The following CSMD1 variants were observed in gnomAD, a reference collection of about 807,000 sequenced individuals.
The protein encoded by CSMD1 is CUB and Sushi multiple domains 1.
Under a neutral mutation model 417.5 loss-of-function variants are expected in CSMD1, and 213 were observed. The ratio of observed to expected loss-of-function variants is 0.51; its 90% CI spans 0.46 to 0.57. The LOEUF (loss-of-function observed/expected upper bound fraction) is 0.57. Among genes scored for constraint, CSMD1 ranks in the 20% least tolerant of loss-of-function variants. CSMD1 has a pLI of 0.00. For missense variants in CSMD1, 6,923 were observed against 4,529.7 expected (o/e 1.53, Z -15.17); for synonymous variants, 2,862 against 1,736.8 (o/e 1.65, Z -16.11).
At chr8:3,377,539 GC>G (rs1165002097) in intron 18 of CSMD1, among the ~76,000 whole-genome samples, 3 of 152,132 alleles carry the variant, frequency 2.0e-5, no homozygotes, top group African/African-American at 7.2e-5. Context: ...TTCCTGTACT[GC>G]AAAACCTATT....
chr8:4,927,087 C>CATTA (rs1554522044), intron 1 of CSMD1, among the ~76,000 whole-genome samples: 9 of 143,458 alleles, frequency 6.3e-5, no homozygotes, highest in African/African-American at 2.0e-4. Context: ...GCTTTCAATG[C>CATTA]ATTATTATTA....
At chr8:4,830,628 T>C (rs1360753732) in intron 1 of CSMD1, among the ~76,000 whole-genome samples, 1 of 152,218 alleles carries the variant, frequency 6.6e-6, no homozygotes, top group Non-Finnish European at 1.5e-5. Flanking sequence ...GACTTGATCG[T>C]GGTAGTTTTT....
chr8:3,485,618 G>C (rs1045072450), intron 11 of CSMD1, among the ~76,000 whole-genome samples: 13 of 151,442 alleles, frequency 8.6e-5, no homozygotes, highest in Non-Finnish European at 1.6e-4. Context: ...AAATGAGCTG[G>C]GTGTGGTGGC....
At chr8:3,193,838 A>G (rs1796558352) in intron 33 of CSMD1, among the ~76,000 whole-genome samples, 1 of 152,182 alleles carries the variant, frequency 6.6e-6, no homozygotes, top group South Asian at 2.1e-4. Context: ...GCATGTTGTG[A>G]CAGGTTCGAT....
At chr8:3,819,096 G>C (rs1431865641) in intron 5 of CSMD1, among the ~76,000 whole-genome samples, 1 of 152,198 alleles carries the variant, frequency 6.6e-6, no homozygotes, top group African/African-American at 2.4e-5. Flanking sequence ...AGAGTAGAGA[G>C]AAAAGTGTAG....
At chr8:4,124,751 G>T (rs1034743651) in intron 3 of CSMD1, among the ~76,000 whole-genome samples, 1 of 152,154 alleles carries the variant, frequency 6.6e-6, no homozygotes, top group African/African-American at 2.4e-5. Flanking sequence ...TGCAAACTAA[G>T]GGACTGAAAC....
chr8:3,758,926 G>A (rs886260682), intron 5 of CSMD1, among the ~76,000 whole-genome samples: 2 of 152,178 alleles, frequency 1.3e-5, no homozygotes, highest in Admixed American at 1.3e-4. Flanking sequence ...CCAGGTAGAA[G>A]AGCCTGTGGA....
intron 5 of CSMD1, among the ~76,000 whole-genome samples, chr8:3,781,106 G>A (rs933160911): frequency 2.0e-5 from 3 of 152,124 alleles, no homozygotes; most frequent in African/African-American, 4.8e-5. Context: ...ACTGTTTCAA[G>A]AAGCCAAAAA....
intron 3 of CSMD1, among the ~76,000 whole-genome samples, chr8:4,051,465 C>T (rs895196671): frequency 2.6e-5 from 4 of 152,168 alleles, no homozygotes; most frequent in South Asian, 2.1e-4. Flanking sequence ...GCGCCCTACA[C>T]GTATAAATTG....
intron 5 of CSMD1, among the ~76,000 whole-genome samples, chr8:3,951,716 G>A (rs1352505686): frequency 6.6e-6 from 1 of 151,992 alleles, no homozygotes; most frequent in Non-Finnish European, 1.5e-5. Context: ...AGACTTCATG[G>A]GTATTAACAA....
rs1049529338 is a variant in CSMD1 at position 3,186,142 on chromosome 8, G to A, written c.5620+1727C>T. Among the ~76,000 whole-genome samples, 3 of 151,958 alleles carry A rather than the reference G, an allele frequency of 2.0e-5. 1 individual carries two copies. The South Asian group carries it at 6.2e-4, about 32-fold the overall frequency. Reference sequence around the variant, plus strand: ...ATTTATATAATTACATTAAGTGTTGGCATCTGTGTAGATTTTAACTTGTGT... The same window carrying A: ...ATTTATATAATTACATTAAGTGTTGACATCTGTGTAGATTTTAACTTGTGT... On this transcript the variant is annotated intron_variant, in intron 36 of 69. Transcript: ENST00000635120.
rs576909990 is a variant in CSMD1, at chr8:3,488,571, T to G, written c.1448+5052A>C. On this transcript the variant is annotated intron_variant, in intron 11 of 69. Transcript: ENST00000635120. ...GATTCATACTGCTAATTATATGAAA[T>G]GTATATCAGTAGGCTAATTCCTCCT... Among the ~76,000 whole-genome samples, 19 of 152,336 alleles carry G rather than the reference T, an allele frequency of 1.2e-4. 1 individual carries two copies. Among genetic ancestry groups the G allele is most frequent in the South Asian group, 8.3e-4 (4 of 4,826 alleles).
Position 3,317,434 on chromosome 8 carries a change from C to A in CSMD1, c.3632-8931G>T, listed in dbSNP as rs555832336. Among the ~76,000 whole-genome samples the A allele has an allele frequency of 2.6e-5, 4 of 152,312 alleles. No homozygotes were observed. In the South Asian group the frequency reaches 6.2e-4, roughly 24 times the overall value. On this transcript the variant is annotated intron_variant, in intron 23 of 69. Coordinates refer to ENST00000635120, the MANE Select transcript of CSMD1 (RefSeq NM_033225.6). Reference sequence around the variant, plus strand: ...GAGTCAACATTGACACTCAATCACACAAGTGTGGACTTGTATTCTCTGTTG... The same window carrying A: ...GAGTCAACATTGACACTCAATCACAAAAGTGTGGACTTGTATTCTCTGTTG...
chr8:4,911,536 C>G (rs1017550518), intron 1 of CSMD1, among the ~76,000 whole-genome samples: 2 of 152,168 alleles, frequency 1.3e-5, no homozygotes, highest in Non-Finnish European at 2.9e-5. Flanking sequence ...AATCCCAAGT[C>G]AGGGCCAAAC....
At chr8:3,750,074 T>G (rs958135700) in intron 6 of CSMD1, among the ~76,000 whole-genome samples, 1 of 152,184 alleles carries the variant, frequency 6.6e-6, no homozygotes, top group Non-Finnish European at 1.5e-5. Context: ...AATTTCAAGC[T>G]GTTTGTTTTA....
At chr8:4,892,699 C>T (rs1804203409) in intron 1 of CSMD1, among the ~76,000 whole-genome samples, 1 of 151,966 alleles carries the variant, frequency 6.6e-6, no homozygotes, top group Non-Finnish European at 1.5e-5. Flanking sequence ...TCTTTTTGTA[C>T]ATTTACTGAT....
intron 5 of CSMD1, among the ~76,000 whole-genome samples, chr8:3,769,638 C>A (rs1484855047): frequency 6.6e-6 from 1 of 151,944 alleles, no homozygotes; most frequent in African/African-American, 2.4e-5. Context: ...CCACTTTTTT[C>A]CATTAAGAGA....
chr8:3,518,348 CCAA>C (rs1256574380), intron 10 of CSMD1, among the ~76,000 whole-genome samples: 2 of 152,102 alleles, frequency 1.3e-5, no homozygotes, highest in Non-Finnish European at 2.9e-5. Flanking sequence ...AACCTGCGTA[CCAA>C]CATCATATAA....
intron 1 of CSMD1, among the ~76,000 whole-genome samples, chr8:4,767,272 G>A (rs1263761033): frequency 1.3e-5 from 2 of 152,150 alleles, no homozygotes; most frequent in East Asian, 3.9e-4. Context: ...ACTTTTAAAT[G>A]CCAATTAAAA....
Sources: allele counts gnomAD v4.1 joint callset (sites outside exome capture counted in the v4.1 genomes callset), GRCh38; gene constraint gnomAD v4.1.1; transcripts MANE v1.5; gene names NCBI Gene and HGNC (gene_info 2026-07-23, HGNC 2026-07-21).